The following GRIP1 variants were observed in gnomAD, a reference collection of about 807,000 sequenced individuals.
GRIP1 encodes the protein glutamate receptor-interacting protein 1.
A neutral mutation model predicts 129.9 loss-of-function variants in GRIP1; 45 were observed. That is an observed-to-expected ratio of 0.35 (90% CI 0.27 to 0.44). The LOEUF is 0.44. Ranked by LOEUF, GRIP1 falls within the 20% of genes least tolerant of loss-of-function variation. The pLI, the probability that GRIP1 is intolerant of heterozygous loss-of-function variation, is 1.00. For missense variants in GRIP1, 1,196 were observed against 1,396.8 expected (o/e 0.86, Z 2.29); for synonymous variants, 530 against 520.8 (o/e 1.02, Z -0.24).
chr12:66,984,123 A>T (rs1466730036), intron 1 of GRIP1, among the ~76,000 whole-genome samples: 1 of 152,190 alleles, frequency 6.6e-6, no homozygotes, highest in Non-Finnish European at 1.5e-5. Context: ...TCTAGTCTAT[A>T]CTTAAAGACT....
At chr12:66,353,286 T>C in intron 24 of GRIP1, 131 bp downstream of exon 24, 1 of 765,362 alleles carries the variant, frequency 1.3e-6, no homozygotes, top group Non-Finnish European at 2.3e-6. Context: ...TTGCTTCTAC[T>C]GATTCCATAA....
chr12:66,494,020 A>T (rs2138698695), intron 7 of GRIP1, among the ~76,000 whole-genome samples: 1 of 152,340 alleles, frequency 6.6e-6, no homozygotes, highest in East Asian at 1.9e-4. Context: ...GGATTCCAGG[A>T]AAAGTATGCC....
intron 7 of GRIP1, among the ~76,000 whole-genome samples, chr12:66,512,987 C>T (rs547254080): frequency 6.6e-6 from 1 of 152,132 alleles, no homozygotes; most frequent in South Asian, 2.1e-4. Context: ...TAGCAATCTA[C>T]TGGGAAATGG....
chr12:66,436,819 C>T (rs1354609710), intron 13 of GRIP1, among the ~76,000 whole-genome samples: 1 of 151,836 alleles, frequency 6.6e-6, no homozygotes, highest in South Asian at 2.1e-4. Context: ...CTTGTCTCTA[C>T]TAAAGATACA....
In GRIP1 at chr12:66,615,606, A is replaced by G. The variant is rs916901754; in HGVS notation, c.56-18679T>C. On this transcript the variant is annotated intron_variant, in intron 1 of 24. Coordinates refer to ENST00000359742, the MANE Select transcript of GRIP1 (RefSeq NM_001366722.1). ...AATTTCATCTACCTTAAATGAATAC[A>G]CTAGTGTTCCTAATAAATGGCAAAC... Among the ~76,000 whole-genome samples the G allele has an allele frequency of 2.6e-5, 4 of 152,308 alleles. No homozygotes were observed. The East Asian group carries it at 7.7e-4, about 29-fold the overall frequency.
At chr12:67,004,997 TA>T (rs755036246) in intron 1 of GRIP1, among the ~76,000 whole-genome samples, 4 of 148,114 alleles carry the variant, frequency 2.7e-5, no homozygotes, top group Non-Finnish European at 5.9e-5. Context: ...TCAAAAGTCA[TA>T]AGATGAACTT....
rs1349580151 is a variant in GRIP1, at chr12:66,640,826, A to G, written c.55+38024T>C. ...TTCTCCCAAAGCATATTTTCTGTAC[A>G]AAGGAAAATCACTTGACTTTTAAAG... On this transcript the variant is annotated intron_variant, in intron 1 of 24. Coordinates refer to ENST00000359742, the MANE Select transcript of GRIP1 (RefSeq NM_001366722.1). Among the ~76,000 whole-genome samples the G allele has an allele frequency of 2.0e-5, 3 of 152,356 alleles. No individual in the cohort carries two copies. The East Asian group carries it at 5.8e-4, about 29-fold the overall frequency.
At chr12:66,895,652 C>A (rs766286943) in intron 1 of GRIP1, among the ~76,000 whole-genome samples, 7 of 152,130 alleles carry the variant, frequency 4.6e-5, no homozygotes, top group Non-Finnish European at 7.3e-5. Flanking sequence ...ATTTGATTAG[C>A]AACCACTGCC....
At chr12:67,038,579 A>C (rs937866909) in intron 1 of GRIP1, among the ~76,000 whole-genome samples, 3 of 152,166 alleles carry the variant, frequency 2.0e-5, no homozygotes, top group Non-Finnish European at 2.9e-5. Flanking sequence ...AGTGCCTCTC[A>C]GAGCCCCTTT....
intron 1 of GRIP1, among the ~76,000 whole-genome samples, chr12:66,628,591 G>A (rs1046835004): frequency 6.6e-6 from 1 of 152,156 alleles, no homozygotes; most frequent in Non-Finnish European, 1.5e-5. Flanking sequence ...AGTTTTCCTT[G>A]TTGTGTATTC....
chr12:66,383,043 T>C (rs2056188878), intron 19 of GRIP1, among the ~76,000 whole-genome samples: 1 of 152,000 alleles, frequency 6.6e-6, no homozygotes, highest in African/African-American at 2.4e-5. Flanking sequence ...ATGCCTGTAA[T>C]CCCAGCACTT....
In GRIP1 at chr12:66,379,411, G is replaced by A; in HGVS notation, c.2490C>T (p.Tyr830=). ...TQGTSFQASG[Y]NFNTYDWRSP... is the part of the protein sequence containing the mutation. ...TCCTCCAGTCATAGGTGTTGAAATT[G>A]TATCCTGAGGCCTGAAAACTAGTGC... Residue 830 remains tyrosine, a synonymous_variant, in exon 20 of 25, where the codon TAC becomes TAT. Coordinates refer to ENST00000359742, the MANE Select transcript of GRIP1 (RefSeq NM_001366722.1). The A allele has an allele frequency of 8.7e-6, 14 of 1,614,148 alleles. No homozygotes were observed. The highest frequency in any genetic ancestry group is 1.1e-5 in the Non-Finnish European group (13 of 1,179,992).
chr12:66,631,310 G>GA (rs1199873925), intron 1 of GRIP1, among the ~76,000 whole-genome samples: 1 of 152,080 alleles, frequency 6.6e-6, no homozygotes, highest in Non-Finnish European at 1.5e-5. Context: ...GGGCTTGATT[G>GA]AAAAAAACCG....
chr12:66,679,780 C>T (rs1380925591), upstream of GRIP1, among the ~76,000 whole-genome samples: 2 of 152,176 alleles, frequency 1.3e-5, no homozygotes, highest in South Asian at 2.1e-4. Context: ...TTTTAATATA[C>T]TTTATTATAC....
At chr12:66,722,629 T>TA (rs1251876531) in intron 1 of GRIP1, among the ~76,000 whole-genome samples, 4 of 152,112 alleles carry the variant, frequency 2.6e-5, no homozygotes, top group African/African-American at 9.7e-5. Flanking sequence ...CATCAATTAA[T>TA]AAAAAACACA....
intron 1 of GRIP1, among the ~76,000 whole-genome samples, chr12:66,785,343 C>CATACATACATACATATATATATATATAT (rs377630345): frequency 3.2e-4 from 23 of 72,780 alleles, no homozygotes; most frequent in African/African-American, 8.6e-4. Context: ...TACATACATA[C>CATACATACATACATATATATATATATAT]ATATATATAT....
chr12:66,633,430 C>G (rs1339027378), intron 1 of GRIP1, among the ~76,000 whole-genome samples: 4 of 151,644 alleles, frequency 2.6e-5, no homozygotes, highest in Non-Finnish European at 4.4e-5. Context: ...GGATTACAGG[C>G]ATGGGCTAAT....
At chr12:67,067,557 T>TAGAC (rs1000559323) in intron 1 of GRIP1, among the ~76,000 whole-genome samples, 4 of 152,102 alleles carry the variant, frequency 2.6e-5, no homozygotes, top group African/African-American at 9.7e-5. Flanking sequence ...TTTGAATGGG[T>TAGAC]AGACGTAAGG....
chr12:66,410,934 C>G (rs1418027092), intron 15 of GRIP1, among the ~76,000 whole-genome samples: 2 of 152,192 alleles, frequency 1.3e-5, no homozygotes, highest in Non-Finnish European at 2.9e-5. Context: ...ACAGCACAAT[C>G]AAATTAAACC....
Sources: gnomAD v4.1 joint callset for allele counts (sites outside exome capture counted in the v4.1 genomes callset) on GRCh38, gnomAD v4.1.1 for gene constraint, MANE v1.5 for transcripts, NCBI Gene and HGNC (gene_info 2026-07-23, HGNC 2026-07-21) for gene names.